Variants in VWA8 observed in about 807,000 individuals in gnomAD.
The protein encoded by VWA8 is von Willebrand factor A domain containing 8.
VWA8 carries 221 observed loss-of-function variants against 241.5 expected under a neutral mutation model. That is an observed-to-expected ratio of 0.91 (90% CI 0.82 to 1.02). The LOEUF is 1.02. Ranked by LOEUF, VWA8 falls within the 50% of genes least tolerant of loss-of-function variation. The pLI, the probability that VWA8 is intolerant of heterozygous loss-of-function variation, is 0.00. For synonymous variants in VWA8, 852 were observed against 827.1 expected, an observed-to-expected ratio of 1.03 and a Z score of -0.52; for missense variants, 2,322 against 2,328.7, an observed-to-expected ratio of 1.00 and a Z score of 0.06.
At chr13:41,865,586 T>G (rs969445461) in intron 12 of VWA8, 150 bp downstream of exon 12, 55 of 771,058 alleles carry the variant, frequency 7.1e-5, no homozygotes, top group Admixed American at 1.8e-4. Flanking sequence ...GAATTATAAT[T>G]GCACTTTAAT....
intron 12 of VWA8, among the ~76,000 whole-genome samples, chr13:41,834,000 T>C (rs536355535): frequency 6.6e-6 from 1 of 152,212 alleles, no homozygotes; most frequent in Non-Finnish European, 1.5e-5. Context: ...TTTCTAGCAG[T>C]TGATGAGTTT....
At chr13:41,641,462 T>G (rs1156940583) in intron 37 of VWA8, among the ~76,000 whole-genome samples, 4 of 152,204 alleles carry the variant, frequency 2.6e-5, no homozygotes, top group Admixed American at 1.3e-4. Context: ...CACTTTGAAA[T>G]CTCTTCAGAA....
At chr13:41,896,832 A>T (rs1463387127) in intron 4 of VWA8, among the ~76,000 whole-genome samples, 1 of 152,200 alleles carries the variant, frequency 6.6e-6, no homozygotes, top group Non-Finnish European at 1.5e-5. Flanking sequence ...AAGCTTATGG[A>T]GAGTAACTTA....
intron 42 of VWA8, among the ~76,000 whole-genome samples, chr13:41,583,004 C>A (rs999876468): frequency 2.6e-5 from 4 of 152,190 alleles, no homozygotes; most frequent in African/African-American, 9.7e-5. Context: ...AGAGGAAGGC[C>A]AGCTGGAAGA....
chr13:41,930,569 T>G (rs557617623), intron 2 of VWA8, among the ~76,000 whole-genome samples: 133 of 152,292 alleles, frequency 8.7e-4, no homozygotes, highest in Non-Finnish European at 7.9e-4. Flanking sequence ...GTTCTGAGTG[T>G]CGACATGACA....
rs114119961 is a variant in VWA8 at position 41,614,482 on chromosome 13, T to C, written c.4720+494A>G. On this transcript the variant is annotated intron_variant, in intron 38 of 44. Transcript: ENST00000379310. ...TGCAACCAGCCTTATCTCGAAATCT[T>C]GCATCCTCAACGTACTTCGAAGATG... Among the ~76,000 whole-genome samples, 256 of 152,316 alleles carry C rather than the reference T, an allele frequency of 1.7e-3. 2 individuals are homozygous for C. The highest frequency in any genetic ancestry group is 5.8e-3 in the African/African-American group (241 of 41,584).
At chr13:41,841,605 T>C (rs989808650) in intron 12 of VWA8, among the ~76,000 whole-genome samples, 7 of 149,352 alleles carry the variant, frequency 4.7e-5, no homozygotes, top group Admixed American at 6.7e-5. Context: ...GCTAACACGG[T>C]GAAACCCCGT....
intron 17 of VWA8, among the ~76,000 whole-genome samples, chr13:41,801,698 A>G (rs1188110061): frequency 2.0e-5 from 3 of 152,236 alleles, no homozygotes; most frequent in Non-Finnish European, 4.4e-5. Flanking sequence ...GTACAGACTG[A>G]AAAAATGTTA....
At chr13:41,671,905 C>T (rs992395997) in intron 36 of VWA8, among the ~76,000 whole-genome samples, 3 of 152,130 alleles carry the variant, frequency 2.0e-5, no homozygotes, top group African/African-American at 7.2e-5. Flanking sequence ...GCTGTAACAG[C>T]CTGATCTAAG....
intron 2 of VWA8, among the ~76,000 whole-genome samples, chr13:41,948,187 T>A (rs1877953551): frequency 6.6e-6 from 1 of 152,118 alleles, no homozygotes; most frequent in Admixed American, 6.5e-5. Context: ...CAATGGAATA[T>A]AATTTAGCCA....
chr13:41,697,609 A>G (rs1319157158), intron 29 of VWA8, among the ~76,000 whole-genome samples: 1 of 152,140 alleles, frequency 6.6e-6, no homozygotes, highest in African/African-American at 2.4e-5. Context: ...GGAGCGCACA[A>G]CCTAGATCCC....
At chr13:41,839,310 T>C (rs1237032376) in intron 12 of VWA8, among the ~76,000 whole-genome samples, 1 of 152,234 alleles carries the variant, frequency 6.6e-6, no homozygotes, top group African/African-American at 2.4e-5. Flanking sequence ...GAAAAGTGAC[T>C]GTTCATATCC....
intron 43 of VWA8, among the ~76,000 whole-genome samples, chr13:41,571,840 G>GGCA (rs2044307349): frequency 6.6e-6 from 1 of 151,762 alleles, no homozygotes; most frequent in African/African-American, 2.4e-5. Flanking sequence ...CCCTCCGACT[G>GGCA]GCCGCCCAGT....
intron 14 of VWA8, among the ~76,000 whole-genome samples, chr13:41,822,730 G>A (rs1160831399): frequency 6.6e-6 from 1 of 152,084 alleles, no homozygotes; most frequent in Non-Finnish European, 1.5e-5. Context: ...AATAATAAAT[G>A]ATTACATCAC....
Position 41,882,588 on chromosome 13 carries a change from G to A in VWA8, c.1080+799C>T, listed in dbSNP as rs552763625. Among the ~76,000 whole-genome samples the A allele has an allele frequency of 6.9e-3, 1,044 of 152,346 alleles. 9 individuals are homozygous for A. Among genetic ancestry groups the A allele is most frequent in the African/African-American group, 0.023 (945 of 41,574 alleles). ...AGGCCAAGGCTGGCGGATCACTCGC[G>A]GTTAGGAGCTGGAGACCAGCCCGGC... On this transcript the variant is annotated intron_variant, in intron 9 of 44. Coordinates refer to ENST00000379310, the MANE Select transcript of VWA8 (RefSeq NM_015058.2).
Position 41,836,238 on chromosome 13 carries a change from GA to G in VWA8, c.1426-2708del, listed in dbSNP as rs544444444. Among the ~76,000 whole-genome samples, 418 of 152,120 alleles carry G rather than the reference GA, an allele frequency of 2.7e-3. 3 individuals carry two copies. The highest frequency in any genetic ancestry group is 9.3e-3 in the African/African-American group (385 of 41,510). On this transcript the variant is annotated intron_variant, in intron 12 of 44. Transcript: ENST00000379310. Reference sequence around the variant, plus strand: ...ATTAAAAGTAAAGTTAAAAATAAGAGAAAAAAAGAGTAGGCTTTGTCTATTT... The same window carrying G: ...ATTAAAAGTAAAGTTAAAAATAAGAGAAAAAAGAGTAGGCTTTGTCTATTT...
intron 23 of VWA8, among the ~76,000 whole-genome samples, chr13:41,728,267 G>A (rs1410592071): frequency 6.6e-6 from 1 of 151,134 alleles, no homozygotes; most frequent in South Asian, 2.1e-4. Context: ...AAATAACAAG[G>A]GTATGTGGCT....
intron 12 of VWA8, among the ~76,000 whole-genome samples, chr13:41,844,359 G>A (rs146523760): frequency 2.0e-5 from 3 of 152,034 alleles, no homozygotes; most frequent in African/African-American, 7.2e-5. Flanking sequence ...ATAAGAGCCA[G>A]CTATGACAAA....
intron 3 of VWA8, among the ~76,000 whole-genome samples, chr13:41,909,028 C>T (rs1191711109): frequency 1.3e-5 from 2 of 151,328 alleles, no homozygotes; most frequent in East Asian, 1.9e-4. Context: ...TGTTACATAA[C>T]TTTATGTACG....
Sources: gnomAD v4.1 joint callset for allele counts (sites outside exome capture counted in the v4.1 genomes callset) on GRCh38, gnomAD v4.1.1 for gene constraint, MANE v1.5 for transcripts, NCBI Gene and HGNC (gene_info 2026-07-23, HGNC 2026-07-21) for gene names.